The following PARD3B variants were observed in gnomAD, a reference collection of about 807,000 sequenced individuals.
PARD3B encodes the protein partitioning defective 3 homolog B.
PARD3B carries 103 observed loss-of-function variants against 130.2 expected under a neutral mutation model. The observed-to-expected ratio is 0.79, with a 90% confidence interval of 0.67 to 0.93. PARD3B has a LOEUF of 0.93. PARD3B is among the 40% of genes least tolerant of loss of function. PARD3B has a pLI of 0.00. For synonymous variants in PARD3B, 583 were observed against 553.2 expected (o/e 1.05, Z -0.76); for missense variants, 1,609 against 1,499.2 (o/e 1.07, Z -1.21).
chr2:205,499,221 G>A (rs1404909656), intron 20 of PARD3B, among the ~76,000 whole-genome samples: 1 of 151,766 alleles, frequency 6.6e-6, no homozygotes, highest in Non-Finnish European at 1.5e-5. Context: ...ATGAGTTACT[G>A]GAAAAGCTAT....
chr2:205,270,566 C>CAA (rs61225019), intron 16 of PARD3B, among the ~76,000 whole-genome samples: 2 of 138,052 alleles, frequency 1.4e-5, no homozygotes, highest in African/African-American at 5.3e-5. Context: ...GACTCCATCT[C>CAA]AAAAAAAAAA....
chr2:205,611,539 C>T (rs1397164092), intron 22 of PARD3B, among the ~76,000 whole-genome samples: 1 of 152,166 alleles, frequency 6.6e-6, no homozygotes, highest in Admixed American at 6.5e-5. Flanking sequence ...CGTGTTCAGA[C>T]TTAATGGTTA....
intron 2 of PARD3B, among the ~76,000 whole-genome samples, chr2:204,731,494 C>T (rs1005702821): frequency 3.9e-5 from 6 of 152,106 alleles, no homozygotes; most frequent in Non-Finnish European, 8.8e-5. Flanking sequence ...TAATTTTTCC[C>T]CCCAAATTGT....
At chr2:204,642,778 G>A (rs1179240066) in intron 1 of PARD3B, among the ~76,000 whole-genome samples, 2 of 151,896 alleles carry the variant, frequency 1.3e-5, no homozygotes, top group Middle Eastern at 3.4e-3. Context: ...CTTCCCCCTT[G>A]CTGTTCTTGT....
In PARD3B at chr2:205,248,057, T is replaced by C. The variant is rs148570750; in HGVS notation, c.2185+2235T>C. 9.2e-5 allele frequency among the ~76,000 whole-genome samples: 14 copies of C among 152,296 alleles called. No homozygotes were observed. The East Asian group carries it at 2.7e-3, about 29-fold the overall frequency. On this transcript the variant is annotated intron_variant, in intron 16 of 22. Coordinates refer to ENST00000406610, the MANE Select transcript of PARD3B (RefSeq NM_001302769.2). ...GATCCTTCCACCTCAGCCTCCCGGA[T>C]AGCTGGGACTACATGTGCATGCCAC...
At chr2:205,284,508 C>A (rs1409182119) in intron 16 of PARD3B, among the ~76,000 whole-genome samples, 1 of 152,080 alleles carries the variant, frequency 6.6e-6, no homozygotes, top group Non-Finnish European at 1.5e-5. Flanking sequence ...CCCTTTTGAC[C>A]TGAAAGAGTT....
Position 205,176,857 on chromosome 2 carries a change from A to G in PARD3B, c.1924+280A>G, listed in dbSNP as rs866705368. Among the ~76,000 whole-genome samples the G allele has an allele frequency of 2.6e-5, 4 of 152,222 alleles. No homozygotes were observed. The highest frequency in any genetic ancestry group is 6.5e-5 in the Admixed American group (1 of 15,286). ...ACAAACGATCACTGGAGAATCAAAG[A>G]TGGCAAACTGTTATTTTTAAGCTCT... is the stretch of plus-strand genomic sequence containing the variant. On this transcript the variant is annotated intron_variant, in intron 13 of 22. Transcript: ENST00000406610. This position sits in a 1 kb window ranked among gnomAD's most constrained non-coding sequence, Gnocchi z 5.3.
intron 1 of PARD3B, among the ~76,000 whole-genome samples, chr2:204,648,688 ATT>A (rs1483540784): frequency 6.1e-5 from 6 of 98,610 alleles, no homozygotes; most frequent in South Asian, 2.8e-4. Context: ...AATAATATAT[ATT>A]TATAATATAT....
At chr2:204,563,861 C>T (rs1286368016) in intron 1 of PARD3B, among the ~76,000 whole-genome samples, 1 of 152,178 alleles carries the variant, frequency 6.6e-6, no homozygotes. Context: ...GCCAGATCCA[C>T]CTCCCGGGTT....
Position 204,962,250 on chromosome 2 carries a change from T to C in PARD3B, c.223-2902T>C, listed in dbSNP as rs185463946. Among the ~76,000 whole-genome samples the C allele has an allele frequency of 1.3e-4, 20 of 152,186 alleles. 1 individual carries two copies. In the East Asian group the frequency reaches 3.7e-3, roughly 28 times the overall value. ...GGACACTGGCATCATAGAAGGAGAC[T>C]GGAGGGCAGACCAGAAGGAGAGAGA... On this transcript the variant is annotated intron_variant, in intron 2 of 22. Transcript: ENST00000406610.
At chr2:205,400,084 T>C (rs1007145385) in intron 18 of PARD3B, among the ~76,000 whole-genome samples, 2 of 152,130 alleles carry the variant, frequency 1.3e-5, no homozygotes, top group Non-Finnish European at 2.9e-5. Flanking sequence ...TTCCAGGAGT[T>C]TACCTTTAAG....
chr2:205,044,458 C>T (rs1354716254), intron 3 of PARD3B, among the ~76,000 whole-genome samples: 2 of 148,970 alleles, frequency 1.3e-5, no homozygotes, highest in African/African-American at 4.9e-5. Context: ...CACATCCTCT[C>T]CAGCACCTGT....
At chr2:204,935,193 A>G (rs368200136) in intron 2 of PARD3B, among the ~76,000 whole-genome samples, 1 of 146,636 alleles carries the variant, frequency 6.8e-6, no homozygotes, top group Admixed American at 6.8e-5. Flanking sequence ...ACATAAGAAC[A>G]CTTAAGTTTC....
chr2:204,845,329 A>G (rs946291119), intron 2 of PARD3B, among the ~76,000 whole-genome samples: 5 of 152,130 alleles, frequency 3.3e-5, no homozygotes, highest in African/African-American at 1.2e-4. Flanking sequence ...GCTTTGAACA[A>G]CTTTTTCATG....
At chr2:204,787,870 C>T (rs2042064550) in intron 2 of PARD3B, among the ~76,000 whole-genome samples, 1 of 152,124 alleles carries the variant, frequency 6.6e-6, no homozygotes, top group African/African-American at 2.4e-5. Context: ...TCCCATTTTC[C>T]AGTTTTCTGT....
chr2:204,708,088 C>G (rs2052349), intron 2 of PARD3B, among the ~76,000 whole-genome samples: 107,419 of 151,792 alleles, frequency 0.71, 39,672 homozygotes, highest in South Asian at 0.81. Context: ...GGAGCAAGTA[C>G]TCTTCTGTGA....
intron 20 of PARD3B, among the ~76,000 whole-genome samples, chr2:205,457,863 G>C (rs1408395868): frequency 6.6e-6 from 1 of 152,032 alleles, no homozygotes; most frequent in Non-Finnish European, 1.5e-5. Flanking sequence ...AACTTTTTGA[G>C]CACTGACATT....
intron 3 of PARD3B, among the ~76,000 whole-genome samples, chr2:205,045,043 G>A (rs1048973380): frequency 4.6e-5 from 7 of 151,124 alleles, no homozygotes; most frequent in Admixed American, 4.0e-4. Context: ...ATTCAGGTGT[G>A]GAGTACAGAA....
intron 2 of PARD3B, among the ~76,000 whole-genome samples, chr2:204,859,818 T>G (rs1423590062): frequency 2.0e-5 from 3 of 152,164 alleles, no homozygotes; most frequent in African/African-American, 7.2e-5. Context: ...CTCTCTTCCT[T>G]TAAGGAATTT....
Sources: gnomAD v4.1 joint callset for allele counts (sites outside exome capture counted in the v4.1 genomes callset) on GRCh38, gnomAD v4.1.1 for gene constraint, Gnocchi (gnomAD v3.1) non-coding constraint, MANE v1.5 for transcripts, NCBI Gene and HGNC (gene_info 2026-07-23, HGNC 2026-07-21) for gene names.